CSMD1: variants seen among roughly 807,000 people sequenced by gnomAD.
CSMD1 encodes the protein CUB and Sushi multiple domains 1, also known as CUB and sushi domain-containing protein 1.
In CSMD1, 213 loss-of-function variants were observed where a neutral mutation model predicts 417.5. The ratio of observed to expected loss-of-function variants is 0.51; its 90% CI spans 0.46 to 0.57. The LOEUF (loss-of-function observed/expected upper bound fraction) is 0.57. Ranked by LOEUF, CSMD1 falls within the 20% of genes least tolerant of loss-of-function variation. The pLI, the probability that CSMD1 is intolerant of heterozygous loss-of-function variation, is 0.00. For missense variants in CSMD1, 6,923 were observed against 4,529.7 expected (o/e 1.53, Z -15.17); for synonymous variants, 2,862 against 1,736.8 (o/e 1.65, Z -16.11).
intron 2 of CSMD1, among the ~76,000 whole-genome samples, chr8:4,511,801 G>A (rs1007142503): frequency 2.0e-5 from 3 of 152,048 alleles, no homozygotes; most frequent in Non-Finnish European, 2.9e-5. Flanking sequence ...ATCATCAGGG[G>A]TCTACACATT....
chr8:4,438,790 G>C (rs1013359436), intron 2 of CSMD1, among the ~76,000 whole-genome samples: 1 of 152,184 alleles, frequency 6.6e-6, no homozygotes, highest in Non-Finnish European at 1.5e-5. Flanking sequence ...GTGCTTGAAG[G>C]ATCAAAAGAT....
intron 12 of CSMD1, among the ~76,000 whole-genome samples, chr8:3,453,194 T>A (rs1267239000): frequency 1.3e-5 from 2 of 152,186 alleles, no homozygotes; most frequent in East Asian, 3.9e-4. Flanking sequence ...TTCTATTTGA[T>A]TCTTTTCTCT....
At chr8:4,234,463 G>A (rs1452744133) in intron 3 of CSMD1, among the ~76,000 whole-genome samples, 2 of 152,042 alleles carry the variant, frequency 1.3e-5, no homozygotes, top group South Asian at 2.1e-4. Context: ...TTCTCTGTGT[G>A]GCCATTTGAG....
intron 26 of CSMD1, chr8:3,278,419 C>G (rs1414093788): frequency 6.6e-6 from 1 of 152,116 alleles, no homozygotes; most frequent in Non-Finnish European, 1.5e-5. Flanking sequence ...ATGTTACTGA[C>G]ATAGAATCAA....
intron 8 of CSMD1, chr8:3,598,228 A>C (rs1274934288): frequency 1.3e-5 from 2 of 152,198 alleles, no homozygotes; most frequent in Non-Finnish European, 2.9e-5. Context: ...TGCTAAAATT[A>C]TACTGTGCTG....
chr8:3,328,533 A>G lies in CSMD1; in HGVS notation c.3631+14761T>C, dbSNP rs117073290. 2.0e-5 allele frequency among the ~76,000 whole-genome samples: 3 copies of G among 152,320 alleles called. No individual in the cohort carries two copies. In the East Asian group the frequency reaches 5.8e-4, roughly 29 times the overall value. On this transcript the variant is annotated intron_variant, in intron 23 of 69. Transcript: ENST00000635120. Reference sequence around the variant, plus strand: ...AGACTGTCATATGATCTTCGGCCTAAAATGTATTCCTGTTTTTCCTGGCCC... The same window carrying G: ...AGACTGTCATATGATCTTCGGCCTAGAATGTATTCCTGTTTTTCCTGGCCC...
At chr8:3,798,867 TGTTCATACA>T (rs545683205) in intron 5 of CSMD1, among the ~76,000 whole-genome samples, 158 of 152,196 alleles carry the variant, frequency 1.0e-3, no homozygotes, top group South Asian at 9.1e-3. Context: ...TATTTTCCTT[TGTTCATACA>T]GACATAGTCA....
chr8:4,355,811 G>A (rs76058755), intron 3 of CSMD1, among the ~76,000 whole-genome samples: 1 of 152,138 alleles, frequency 6.6e-6, no homozygotes, highest in South Asian at 2.1e-4. Flanking sequence ...CTGCTGTTTG[G>A]AAGTGAAGAT....
chr8:3,164,772 T>C (rs905471102), intron 37 of CSMD1, among the ~76,000 whole-genome samples: 4 of 152,068 alleles, frequency 2.6e-5, no homozygotes. Flanking sequence ...GTTCCAAATA[T>C]CAAGACAAAA....
At chr8:3,305,236 A>G (rs984776741) in intron 25 of CSMD1, among the ~76,000 whole-genome samples, 2 of 152,160 alleles carry the variant, frequency 1.3e-5, no homozygotes, top group African/African-American at 4.8e-5. Context: ...GGAATATGAA[A>G]TATTAAATTC....
intron 1 of CSMD1, among the ~76,000 whole-genome samples, chr8:4,834,092 A>C (rs892474419): frequency 2.0e-5 from 3 of 152,226 alleles, no homozygotes; most frequent in African/African-American, 7.2e-5. Flanking sequence ...AGAGATATTC[A>C]AATGAATTCC....
chr8:3,382,134 C>T (rs537990640), intron 18 of CSMD1, among the ~76,000 whole-genome samples: 1 of 151,862 alleles, frequency 6.6e-6, no homozygotes, highest in Non-Finnish European at 1.5e-5. Flanking sequence ...TGGTGGGAGC[C>T]TGTAATCCCG....
chr8:3,297,869 T>G (rs556103056), intron 25 of CSMD1, among the ~76,000 whole-genome samples: 1 of 152,168 alleles, frequency 6.6e-6, no homozygotes, highest in East Asian at 1.9e-4. Context: ...AAAATTATTA[T>G]GACTCATTGG....
chr8:3,805,639 GGA>G (rs1185001434), intron 5 of CSMD1, among the ~76,000 whole-genome samples: 1 of 152,090 alleles, frequency 6.6e-6, no homozygotes, highest in East Asian at 1.9e-4. Context: ...ACCTTGGTGG[GGA>G]GTAAAATGAA....
At chr8:4,161,056 C>T (rs892953000) in intron 3 of CSMD1, among the ~76,000 whole-genome samples, 2 of 151,814 alleles carry the variant, frequency 1.3e-5, no homozygotes, top group African/African-American at 4.8e-5. Context: ...ACTGAGCAGT[C>T]CCAGATTTGC....
intron 3 of CSMD1, among the ~76,000 whole-genome samples, chr8:4,166,796 G>A (rs79588713): frequency 6.6e-6 from 1 of 152,154 alleles, no homozygotes; most frequent in Non-Finnish European, 1.5e-5. Flanking sequence ...AATGATCAGG[G>A]TGTGTTTAAT....
At chr8:4,977,802 G>A (rs1220728027) in intron 1 of CSMD1, among the ~76,000 whole-genome samples, 2 of 152,240 alleles carry the variant, frequency 1.3e-5, no homozygotes, top group African/African-American at 4.8e-5. Flanking sequence ...TTGGCATACT[G>A]CAGCGCTTTT....
At chr8:4,178,012 C>A (rs981351673) in intron 3 of CSMD1, among the ~76,000 whole-genome samples, 7 of 152,178 alleles carry the variant, frequency 4.6e-5, no homozygotes, top group Non-Finnish European at 1.0e-4. Context: ...CAAGGAGGAA[C>A]TAGTACCATT....
chr8:4,443,820 G>A (rs886131667), intron 2 of CSMD1, among the ~76,000 whole-genome samples: 1 of 152,174 alleles, frequency 6.6e-6, no homozygotes, highest in African/African-American at 2.4e-5. Flanking sequence ...CTTATATGGT[G>A]ATCACAGTGT....
Sources: allele counts gnomAD v4.1 joint callset (sites outside exome capture counted in the v4.1 genomes callset), GRCh38; gene constraint gnomAD v4.1.1; transcripts MANE v1.5; gene names NCBI Gene and HGNC (gene_info 2026-07-23, HGNC 2026-07-21).